Variants in DNAH7 observed in about 807,000 individuals in gnomAD.
DNAH7 encodes the protein axonemal beta dynein heavy chain 7.
DNAH7 carries 397 observed loss-of-function variants against 444.6 expected under a neutral mutation model. That is an observed-to-expected ratio of 0.89 (90% CI 0.82 to 0.97). DNAH7 has a LOEUF of 0.97. DNAH7 is among the 50% of genes least tolerant of loss of function. The probability of loss-of-function intolerance (pLI) is 0.00; values close to 1 mark genes in which losing one functional copy is unlikely to be tolerated. For synonymous variants in DNAH7, 1,636 were observed against 1,624.4 expected, an observed-to-expected ratio of 1.01 and a Z score of -0.17; for missense variants, 4,902 against 4,800.8, an observed-to-expected ratio of 1.02 and a Z score of -0.62.
At chr2:196,059,337 G>C (rs536171227) in intron 1 of DNAH7, among the ~76,000 whole-genome samples, 1 of 152,344 alleles carries the variant, frequency 6.6e-6, no homozygotes, top group African/African-American at 2.4e-5. Flanking sequence ...GTCTAAGTGA[G>C]AGGAAGCATT....
intron 61 of DNAH7, 124 bp downstream of exon 61, chr2:195,771,536 A>T (rs940535039): frequency 2.8e-6 from 2 of 709,814 alleles, no homozygotes; most frequent in Non-Finnish European, 4.7e-6. Flanking sequence ...TTATTTTCTA[A>T]TCTTATTTAT....
intron 3 of DNAH7, among the ~76,000 whole-genome samples, chr2:196,050,457 C>T (rs1697395183): frequency 6.6e-6 from 1 of 152,064 alleles, no homozygotes; most frequent in Non-Finnish European, 1.5e-5. Context: ...TACTGAATGT[C>T]ACTGAATACT....
intron 5 of DNAH7, among the ~76,000 whole-genome samples, chr2:196,037,577 C>T (rs1341584430): frequency 6.6e-6 from 1 of 151,954 alleles, no homozygotes; most frequent in East Asian, 1.9e-4. Context: ...AAACAGAAAT[C>T]CTGAAACTGA....
rs1559169030 is a variant in DNAH7 at position 195,872,406 on chromosome 2, C to G, written c.6477G>C (p.Leu2159=). The G allele has an allele frequency of 6.2e-7, 1 of 1,613,758 alleles. No homozygotes were observed. Among genetic ancestry groups the G allele is most frequent in the Non-Finnish European group, 8.5e-7 (1 of 1,179,828 alleles). Residue 2159 remains leucine, a synonymous_variant, in exon 40 of 65, where the codon CTG becomes CTC. Coordinates refer to ENST00000312428, the MANE Select transcript of DNAH7 (RefSeq NM_018897.3). ...TTQIVNGTMT[L]YKEAMKNLLP... is the part of the protein sequence containing the mutation. ...AGAGATTCTTCATTGCTTCTTTATA[C>G]AGAGTCATTGTGCCATTTACGATTT... is the stretch of plus-strand genomic sequence containing the variant.
rs1370487154 is a variant in DNAH7, at chr2:195,888,251, C to A, written c.5406+7G>T. ...TTTTTTAATCTTAAAATTCTCATTT[C>A]CCTTACCTTTGTATGCTTTCTAATA... On this transcript the variant is annotated splice_region_variant and intron_variant, in intron 33 of 64. Coordinates refer to ENST00000312428, the MANE Select transcript of DNAH7 (RefSeq NM_018897.3). The A allele has an allele frequency of 6.3e-7, 1 of 1,598,132 alleles. No homozygotes were observed. Among genetic ancestry groups the A allele is most frequent in the East Asian group, 2.3e-5 (1 of 44,192 alleles).
intron 30 of DNAH7, chr2:195,894,066 G>A (rs1438159866): frequency 6.6e-6 from 1 of 152,166 alleles, no homozygotes; most frequent in Non-Finnish European, 1.5e-5. Flanking sequence ...GCATGGAAGT[G>A]TAAAAGCAGA....
chr2:195,927,517 A>T (rs577185457), intron 21 of DNAH7, among the ~76,000 whole-genome samples: 61 of 151,560 alleles, frequency 4.0e-4, no homozygotes, highest in East Asian at 2.5e-3. Flanking sequence ...GTAAATAAAT[A>T]AATAAATAAA....
intron 47 of DNAH7, among the ~76,000 whole-genome samples, chr2:195,844,640 C>A (rs1378046979): frequency 2.0e-5 from 3 of 152,146 alleles, no homozygotes; most frequent in African/African-American, 7.2e-5. Flanking sequence ...ACACCCTGCC[C>A]AATCACCACC....
At chr2:195,797,999 C>A (rs1343894371) in intron 55 of DNAH7, among the ~76,000 whole-genome samples, 2 of 152,166 alleles carry the variant, frequency 1.3e-5, no homozygotes, top group Non-Finnish European at 2.9e-5. Context: ...ATACATAATT[C>A]AAAAATCTGG....
chr2:195,768,625 C>A (rs1263753030), intron 61 of DNAH7, among the ~76,000 whole-genome samples: 2 of 152,080 alleles, frequency 1.3e-5, no homozygotes, highest in Non-Finnish European at 2.9e-5. Context: ...AGAGGTTCAA[C>A]AATTTACATT....
chr2:195,778,013 T>G, intron 58 of DNAH7, 28 bp from the exon 59 acceptor site: 3 of 1,567,238 alleles, frequency 1.9e-6, no homozygotes, highest in Non-Finnish European at 2.6e-6. Context: ...AGTCAACCAG[T>G]TATCAGTAGC....
chr2:195,939,128 G>A (rs1689252508), intron 19 of DNAH7, among the ~76,000 whole-genome samples: 1 of 151,996 alleles, frequency 6.6e-6, no homozygotes, highest in Non-Finnish European at 1.5e-5. Context: ...GACTAATATG[G>A]TGTCTAAAAC....
intron 40 of DNAH7, among the ~76,000 whole-genome samples, chr2:195,867,552 C>A (rs540753423): frequency 6.6e-4 from 101 of 152,284 alleles, no homozygotes; most frequent in Non-Finnish European, 1.3e-3. Flanking sequence ...TTTATCATCA[C>A]CCCAGAAAGA....
At chr2:195,815,224 GAAGA>G (rs943772340) in intron 51 of DNAH7, among the ~76,000 whole-genome samples, 16 of 151,926 alleles carry the variant, frequency 1.1e-4, no homozygotes, top group Admixed American at 1.0e-3. Context: ...TTCAGAACTG[GAAGA>G]AATAAACTAA....
At chr2:195,818,520 T>C (rs1697324355) in intron 49 of DNAH7, among the ~76,000 whole-genome samples, 1 of 152,190 alleles carries the variant, frequency 6.6e-6, no homozygotes, top group Admixed American at 6.5e-5. Context: ...GACTCTTTTT[T>C]TAAAAAAAGC....
intron 10 of DNAH7, among the ~76,000 whole-genome samples, chr2:196,004,847 G>A (rs1039488283): frequency 2.6e-5 from 4 of 151,310 alleles, no homozygotes; most frequent in Admixed American, 6.6e-5. Flanking sequence ...TGTGTTCCCA[G>A]CTACACAGGA....
At chr2:195,809,229 T>C (rs1375787529) in intron 52 of DNAH7, among the ~76,000 whole-genome samples, 1 of 152,232 alleles carries the variant, frequency 6.6e-6, no homozygotes, top group Non-Finnish European at 1.5e-5. Context: ...AACCCATCAA[T>C]GTGCCATGTT....
intron 2 of DNAH7, among the ~76,000 whole-genome samples, chr2:196,052,155 G>C (rs1402219967): frequency 1.3e-5 from 2 of 152,208 alleles, no homozygotes; most frequent in African/African-American, 4.8e-5. Flanking sequence ...CAGACCTGCA[G>C]CTCTTCAGCA....
Position 195,875,812 on chromosome 2 carries a change from G to A in DNAH7, c.6149C>T (p.Ala2050Val). The change falls in exon 38 of 65, where the codon GCT becomes GTT. Residue 2050 changes from alanine (A) to valine (V), a missense_variant. Coordinates refer to ENST00000312428, the MANE Select transcript of DNAH7 (RefSeq NM_018897.3). ...VVFVDDVNMP[A>V]REVYGAQPPI... ...AGGTTGAGCCCCATATACCTCCCGA[G>A]CAGGCATATTGACATCATCTACAAA... 2 of 1,610,582 alleles carry A rather than the reference G, an allele frequency of 1.2e-6. No individual in the cohort carries two copies. The highest frequency in any genetic ancestry group is 1.7e-6 in the Non-Finnish European group (2 of 1,179,034).
Sources: gnomAD v4.1 joint callset for allele counts (sites outside exome capture counted in the v4.1 genomes callset) on GRCh38, gnomAD v4.1.1 for gene constraint, MANE v1.5 for transcripts, NCBI Gene and HGNC (gene_info 2026-07-23, HGNC 2026-07-21) for gene names.